The following SLC44A5 variants were observed in gnomAD, a reference collection of about 807,000 sequenced individuals.
The protein encoded by SLC44A5 is solute carrier family 44 member 5.
In SLC44A5, 57 loss-of-function variants were observed where a neutral mutation model predicts 101.8. The observed-to-expected ratio is 0.56, with a 90% CI of 0.45 to 0.70. The LOEUF (loss-of-function observed/expected upper bound fraction) is 0.70. Ranked by LOEUF, SLC44A5 falls within the 30% of genes least tolerant of loss-of-function variation. The pLI, the probability that SLC44A5 is intolerant of heterozygous loss-of-function variation, is 0.00. For synonymous variants in SLC44A5, 281 were observed against 290.9 expected, an observed-to-expected ratio of 0.97 and a Z score of 0.35; for missense variants, 737 against 853.1, an observed-to-expected ratio of 0.86 and a Z score of 1.70.
intron 3 of SLC44A5, among the ~76,000 whole-genome samples, chr1:75,371,475 C>T (rs576165296): frequency 7.2e-5 from 11 of 152,284 alleles, no homozygotes; most frequent in African/African-American, 2.6e-4. Flanking sequence ...GTCACATCAA[C>T]ATATCCAAAG....
the SLC44A5 span, among the ~76,000 whole-genome samples, chr1:75,651,793 T>C: frequency 1.3e-5 from 2 of 151,854 alleles, no homozygotes; most frequent in Admixed American, 1.3e-4. Flanking sequence ...TCCCTCCTTG[T>C]TACAGTAGAT....
intron 2 of SLC44A5, among the ~76,000 whole-genome samples, chr1:75,421,024 T>C (rs1663969905): frequency 6.6e-6 from 1 of 152,066 alleles, no homozygotes; most frequent in Non-Finnish European, 1.5e-5. Context: ...CTTTGGAATA[T>C]AATATAACTA....
the SLC44A5 span, among the ~76,000 whole-genome samples, chr1:75,662,615 T>A: frequency 1.3e-5 from 2 of 152,132 alleles, no homozygotes; most frequent in South Asian, 4.1e-4. Context: ...AAATATCACA[T>A]GGTCCCCATA....
In SLC44A5 at chr1:75,555,737, T is replaced by G. The variant is rs139245634; in HGVS notation, c.-69-14221A>C. Among the ~76,000 whole-genome samples, 759 of 152,190 alleles carry G rather than the reference T, an allele frequency of 5.0e-3. 4 individuals are homozygous for G. The highest frequency in any genetic ancestry group is 7.5e-3 in the Non-Finnish European group (509 of 67,986). ...ATGAAAACAACTTTGTTTACTACAC[T>G]ATGGGAAATGTTCCACTAGACTTAT... On this transcript the variant is annotated intron_variant, in intron 1 of 23. Coordinates refer to ENST00000370859, the MANE Select transcript of SLC44A5 (RefSeq NM_001130058.2).
intron 1 of SLC44A5, among the ~76,000 whole-genome samples, chr1:75,608,725 T>C (rs1016399262): frequency 1.3e-5 from 2 of 151,984 alleles, no homozygotes; most frequent in African/African-American, 4.8e-5. Context: ...CACTGTAGGG[T>C]CTTTGCTCTG....
intron 1 of SLC44A5, among the ~76,000 whole-genome samples, chr1:75,575,484 A>G (rs1377016042): frequency 1.3e-5 from 2 of 152,228 alleles, no homozygotes; most frequent in Non-Finnish European, 2.9e-5. Context: ...TCAGCCATTC[A>G]CTTACAAATA....
intron 4 of SLC44A5, among the ~76,000 whole-genome samples, chr1:75,337,011 A>G (rs960885252): frequency 1.3e-5 from 2 of 152,170 alleles, no homozygotes; most frequent in African/African-American, 4.8e-5. Flanking sequence ...TCTTAGCAAG[A>G]ACTTTAAATA....
chr1:75,708,206 G>A, the SLC44A5 span, among the ~76,000 whole-genome samples: 1 of 148,842 alleles, frequency 6.7e-6, no homozygotes, highest in Non-Finnish European at 1.5e-5. Context: ...GAGGTCAGGA[G>A]TTTGAGACCA....
chr1:75,702,569 C>T, the SLC44A5 span, among the ~76,000 whole-genome samples: 3 of 152,016 alleles, frequency 2.0e-5, no homozygotes, highest in Non-Finnish European at 2.9e-5. Context: ...GAAGAAAACC[C>T]AGGCAATACC....
intron 2 of SLC44A5, among the ~76,000 whole-genome samples, chr1:75,457,603 AT>A (rs1170664914): frequency 2.6e-5 from 4 of 152,278 alleles, no homozygotes; most frequent in African/African-American, 9.6e-5. Context: ...CACTCTTGTA[AT>A]CTCAGCACTT....
intron 2 of SLC44A5, among the ~76,000 whole-genome samples, chr1:75,537,033 A>AAAAAAAAAAAACATATATATATAT (rs35829590): frequency 2.3e-5 from 1 of 43,026 alleles, no homozygotes. Context: ...AAAAAAAAAA[A>AAAAAAAAAAAACATATATATATAT]ATATATATCT....
rs748454522 is a variant in SLC44A5, at chr1:75,218,546, T to C, written c.1473A>G (p.Lys491=). ...GAFATYYWAM[K]KPDDIPRYPL... The stretch of plus-strand genomic sequence containing the variant: ...GATATCGTGGGATGTCATCAGGTTT[T>C]TTCATGGCCCAGTAATAAGTAGCGA... The change falls in exon 17 of 24, where the codon AAA becomes AAG. Residue 491 remains lysine, a synonymous_variant. Coordinates refer to ENST00000370859, the MANE Select transcript of SLC44A5 (RefSeq NM_001130058.2). The C allele has an allele frequency of 6.2e-7, 1 of 1,613,860 alleles. No homozygotes were observed. Among genetic ancestry groups the C allele is most frequent in the Admixed American group, 1.7e-5 (1 of 60,010 alleles).
the SLC44A5 span, among the ~76,000 whole-genome samples, chr1:75,683,908 C>T: frequency 6.7e-6 from 1 of 149,764 alleles, no homozygotes; most frequent in East Asian, 2.1e-4. Context: ...CAAAAAAGAG[C>T]GGAAGTAGCC....
intron 2 of SLC44A5, among the ~76,000 whole-genome samples, chr1:75,405,993 G>T (rs975519719): frequency 6.6e-6 from 1 of 151,178 alleles, no homozygotes; most frequent in African/African-American, 2.4e-5. Flanking sequence ...AAAGAAAGAA[G>T]AATTAAATAG....
At chr1:75,464,640 T>C (rs1249382701) in intron 2 of SLC44A5, among the ~76,000 whole-genome samples, 1 of 152,038 alleles carries the variant, frequency 6.6e-6, no homozygotes. Context: ...TAATAACCTG[T>C]TGCCTACAAA....
rs78580036 is a variant in SLC44A5 at position 75,389,540 on chromosome 1, C to T, written c.52+7043G>A. On this transcript the variant is annotated intron_variant, in intron 3 of 23. Transcript: ENST00000370859. ...AGGATTTCTCAAAACCACACAACTA[C>T]ATGAAAAGTAAGCTCCTGAATGACT... is the stretch of plus-strand genomic sequence containing the variant. Among the ~76,000 whole-genome samples the T allele has an allele frequency of 9.3e-3, 1,417 of 152,110 alleles. 23 individuals carry two copies. The highest frequency in any genetic ancestry group is 0.033 in the African/African-American group (1,352 of 41,498).
chr1:75,277,955 C>T lies in SLC44A5; in HGVS notation c.176-2913G>A, dbSNP rs75923994. Among the ~76,000 whole-genome samples, 1,418 of 152,182 alleles carry T rather than the reference C, an allele frequency of 9.3e-3. 34 individuals are homozygous for T. The highest frequency in any genetic ancestry group is 0.032 in the African/African-American group (1,345 of 41,530). ...AGGAAAAAAAGGAGATGGGCAGCAG[C>T]CATCATTTTGTCCCTATTAATAAAT... On this transcript the variant is annotated intron_variant, in intron 5 of 23. Coordinates refer to ENST00000370859, the MANE Select transcript of SLC44A5 (RefSeq NM_001130058.2).
upstream of SLC44A5, chr1:75,615,727 C>T (rs1157502828): frequency 5.7e-5 from 29 of 505,976 alleles, no homozygotes; most frequent in Non-Finnish European, 7.4e-5. Context: ...CCTCCCCGGA[C>T]ACGGCAAACT....
chr1:75,213,297 T>A (rs549729507), intron 22 of SLC44A5, among the ~76,000 whole-genome samples: 9 of 152,272 alleles, frequency 5.9e-5, no homozygotes, highest in African/African-American at 2.2e-4. Flanking sequence ...TTTCTACTAT[T>A]CCTTTTTAAA....
Sources: gnomAD v4.1 joint callset for allele counts (sites outside exome capture counted in the v4.1 genomes callset) on GRCh38, gnomAD v4.1.1 for gene constraint, MANE v1.5 for transcripts, NCBI Gene and HGNC (gene_info 2026-07-23, HGNC 2026-07-21) for gene names.